The following FGF12 variants were observed in gnomAD, a reference collection of about 807,000 sequenced individuals.
FGF12 encodes fibroblast growth factor 12B.
In FGF12, 14 loss-of-function variants were observed where a neutral mutation model predicts 23.6. That is an observed-to-expected ratio of 0.59 (90% CI 0.39 to 0.93). The LOEUF (loss-of-function observed/expected upper bound fraction) is 0.93, where lower values mean the gene tolerates loss of function less well. Ranked by LOEUF, FGF12 falls within the 40% of genes least tolerant of loss-of-function variation. The pLI, the probability that FGF12 is intolerant of heterozygous loss-of-function variation, is 0.00. For synonymous variants in FGF12, 62 were observed against 77.3 expected (o/e 0.80, Z 1.04); for missense variants, 175 against 217.8 (o/e 0.80, Z 1.24).
chr3:192,718,052 T>A (rs1293456884), intron 2 of FGF12, among the ~76,000 whole-genome samples: 1 of 152,146 alleles, frequency 6.6e-6, no homozygotes, highest in Non-Finnish European at 1.5e-5. Flanking sequence ...AATTGTTTTT[T>A]AGTAATATAT....
intron 2 of FGF12, among the ~76,000 whole-genome samples, chr3:192,454,572 T>C (rs1722623418): frequency 6.6e-6 from 1 of 152,126 alleles, no homozygotes; most frequent in South Asian, 2.1e-4. Flanking sequence ...TTCATAAACC[T>C]AAAAAGGGCT....
intron 2 of FGF12, among the ~76,000 whole-genome samples, chr3:192,708,122 G>C (rs1718540013): frequency 6.6e-6 from 1 of 151,958 alleles, no homozygotes; most frequent in South Asian, 2.1e-4. Flanking sequence ...ACCACACCCG[G>C]CCAATTTTTT....
At chr3:192,237,487 G>A (rs2108591180) in intron 4 of FGF12, among the ~76,000 whole-genome samples, 1 of 152,118 alleles carries the variant, frequency 6.6e-6, no homozygotes. Flanking sequence ...TTACAGGTTT[G>A]GTCTCCTTAC....
chr3:192,560,420 TA>T (rs1711970695), intron 2 of FGF12, among the ~76,000 whole-genome samples: 1 of 151,688 alleles, frequency 6.6e-6, no homozygotes. Context: ...AGTGTTTTTG[TA>T]AAAAAAGGTA....
intron 4 of FGF12, among the ~76,000 whole-genome samples, chr3:192,267,826 T>C (rs1045996614): frequency 5.3e-5 from 8 of 152,186 alleles, no homozygotes; most frequent in African/African-American, 1.9e-4. Context: ...TTCTGTGCTA[T>C]TCAAAATCAT....
intron 2 of FGF12, among the ~76,000 whole-genome samples, chr3:192,438,846 C>T (rs1158983103): frequency 1.3e-5 from 2 of 152,168 alleles, no homozygotes; most frequent in African/African-American, 2.4e-5. Flanking sequence ...TACAAAGCCC[C>T]CCGGTTTCAA....
At chr3:192,571,335 C>A (rs559414092) in intron 2 of FGF12, among the ~76,000 whole-genome samples, 4 of 152,264 alleles carry the variant, frequency 2.6e-5, no homozygotes, top group East Asian at 3.9e-4. Context: ...AACAAAAAAA[C>A]CAAACCAAAA....
At position 192,568,278 on chromosome 3, in the gene FGF12, G is replaced by T. The variant is rs192122728; in HGVS notation, c.13+158903C>A. Among the ~76,000 whole-genome samples the T allele has an allele frequency of 5.3e-5, 8 of 152,258 alleles. No homozygotes were observed. The South Asian group carries it at 1.5e-3, about 28-fold the overall frequency. Reference sequence around the variant, plus strand: ...ATACAGTTACCAGGGTTTAAGACACGGGGAAATCTTTTAAGGCCACCATTC... The same window carrying T: ...ATACAGTTACCAGGGTTTAAGACACTGGGAAATCTTTTAAGGCCACCATTC... On this transcript the variant is annotated intron_variant, in intron 2 of 5. Coordinates refer to ENST00000445105, the MANE Select transcript of FGF12 (RefSeq NM_004113.6).
At position 192,680,448 on chromosome 3, in the gene FGF12, T is replaced by A. The variant is rs75714324; in HGVS notation, c.13+46733A>T. 1.3e-5 allele frequency among the ~76,000 whole-genome samples: 2 copies of A among 151,348 alleles called. 1 individual carries two copies. Among genetic ancestry groups the A allele is most frequent in the Admixed American group, 1.3e-4 (2 of 15,154 alleles). ...GTGGTGGTGGCCTTCGGTTGGGAGG[T>A]GGTAGTGGGGGGAGGTTATGAAGAA... On this transcript the variant is annotated intron_variant, in intron 2 of 5. Transcript: ENST00000445105.
intron 5 of FGF12, among the ~76,000 whole-genome samples, chr3:192,159,813 C>A (rs1439991257): frequency 1.3e-5 from 2 of 152,114 alleles, no homozygotes; most frequent in African/African-American, 4.8e-5. Flanking sequence ...GCTACATATC[C>A]TCCAATGCAC....
At chr3:192,293,568 G>C (rs1391654844) in intron 4 of FGF12, among the ~76,000 whole-genome samples, 3 of 152,190 alleles carry the variant, frequency 2.0e-5, no homozygotes, top group Non-Finnish European at 4.4e-5. Context: ...AGGTTCTTAA[G>C]AGAATAATGC....
intron 2 of FGF12, among the ~76,000 whole-genome samples, chr3:192,681,926 C>G (rs1363765055): frequency 6.6e-6 from 1 of 152,134 alleles, no homozygotes; most frequent in African/African-American, 2.4e-5. Flanking sequence ...AACACACATA[C>G]AATGTTTCAT....
chr3:192,218,154 C>G lies in FGF12; in HGVS notation c.229-47498G>C, dbSNP rs1427353603. On this transcript the variant is annotated intron_variant, in intron 4 of 5. Transcript: ENST00000445105. ...GGCCCTTCTTGTCACTTTTCTACGT[C>G]AGGAAATCACGTTCTATTAATGGAT... Among the ~76,000 whole-genome samples, 3 of 152,106 alleles carry G rather than the reference C, an allele frequency of 2.0e-5. No homozygotes were observed. In the East Asian group the frequency reaches 5.8e-4, roughly 29 times the overall value.
intron 2 of FGF12, among the ~76,000 whole-genome samples, chr3:192,579,580 GTC>G (rs1176948942): frequency 6.6e-6 from 1 of 152,088 alleles, no homozygotes; most frequent in Non-Finnish European, 1.5e-5. Context: ...TTGAGACGAA[GTC>G]TCTCTCTGTC....
At chr3:192,688,462 G>A (rs1717837521) in intron 2 of FGF12, among the ~76,000 whole-genome samples, 2 of 152,182 alleles carry the variant, frequency 1.3e-5, no homozygotes, top group African/African-American at 4.8e-5. Flanking sequence ...GGCTTTGTAA[G>A]GCTACAAGAA....
chr3:192,548,797 T>C (rs1393989), intron 2 of FGF12, among the ~76,000 whole-genome samples: 33,079 of 151,744 alleles, frequency 0.22, 3,900 homozygotes, highest in Middle Eastern at 0.4. Flanking sequence ...ATCTCACCAA[T>C]AACAACACAC....
At chr3:192,396,366 A>G (rs565771903) in intron 2 of FGF12, among the ~76,000 whole-genome samples, 1 of 152,366 alleles carries the variant, frequency 6.6e-6, no homozygotes, top group East Asian at 1.9e-4. Context: ...TTGACTGTAG[A>G]TATTTAAACG....
At chr3:192,179,517 T>C (rs1250072399) in intron 4 of FGF12, among the ~76,000 whole-genome samples, 1 of 151,396 alleles carries the variant, frequency 6.6e-6, no homozygotes, top group Non-Finnish European at 1.5e-5. Flanking sequence ...CATCTGTAAG[T>C]TAAGGTTAAT....
intron 2 of FGF12, among the ~76,000 whole-genome samples, chr3:192,446,120 G>A (rs1392469701): frequency 6.6e-6 from 1 of 152,194 alleles, no homozygotes; most frequent in Non-Finnish European, 1.5e-5. Context: ...ATTCATGCCT[G>A]TCATTTGAAG....
Sources: gnomAD v4.1 joint callset for allele counts (sites outside exome capture counted in the v4.1 genomes callset) on GRCh38, gnomAD v4.1.1 for gene constraint, MANE v1.5 for transcripts, NCBI Gene and HGNC (gene_info 2026-07-23, HGNC 2026-07-21) for gene names.